The following TFPI variants were observed in gnomAD, a reference collection of about 807,000 sequenced individuals.
TFPI encodes the protein anti-convertin.
A neutral mutation model predicts 34.6 loss-of-function variants in TFPI; 15 were observed. That is an observed-to-expected ratio of 0.43 (90% CI 0.29 to 0.67). The LOEUF (loss-of-function observed/expected upper bound fraction) is 0.67, where lower values mean the gene tolerates loss of function less well. Ranked by LOEUF, TFPI falls within the 30% of genes least tolerant of loss-of-function variation. TFPI has a pLI of 0.15. For missense variants in TFPI, 301 were observed against 364.0 expected (o/e 0.83, Z 1.41); for synonymous variants, 105 against 120.1 (o/e 0.87, Z 0.82).
At chr2:187,496,704 T>G (rs1473112544) in intron 3 of TFPI, among the ~76,000 whole-genome samples, 177 bp downstream of exon 3, 1 of 152,082 alleles carries the variant, frequency 6.6e-6, no homozygotes, top group Non-Finnish European at 1.5e-5. Context: ...CAATTCAGAA[T>G]TATCATTTTC....
chr2:187,524,707 A>T (rs1378607269), intron 1 of TFPI, among the ~76,000 whole-genome samples: 1 of 152,126 alleles, frequency 6.6e-6, no homozygotes, highest in Non-Finnish European at 1.5e-5. Flanking sequence ...AAATATTTTT[A>T]AAATTGTGTC....
intron 1 of TFPI, among the ~76,000 whole-genome samples, chr2:187,548,586 G>C (rs1688980628): frequency 6.6e-6 from 1 of 152,022 alleles, no homozygotes; most frequent in Non-Finnish European, 1.5e-5. Context: ...ACCTATTAGG[G>C]AAGCTAGATG....
intron 1 of TFPI, among the ~76,000 whole-genome samples, chr2:187,540,458 A>G (rs1296904778): frequency 1.3e-5 from 2 of 152,202 alleles, no homozygotes; most frequent in East Asian, 3.9e-4. Flanking sequence ...GGTAAAGTGA[A>G]ATATCAAAAA....
chr2:187,477,514 T>C (rs544950714), intron 6 of TFPI, among the ~76,000 whole-genome samples: 8 of 152,282 alleles, frequency 5.3e-5, no homozygotes, highest in South Asian at 2.1e-4. Flanking sequence ...TGTGATGGCC[T>C]GTGGTATGCA....
intron 6 of TFPI, among the ~76,000 whole-genome samples, chr2:187,480,332 C>T (rs967547671): frequency 6.6e-6 from 1 of 151,958 alleles, no homozygotes; most frequent in Non-Finnish European, 1.5e-5. Flanking sequence ...ATGAGTAACC[C>T]TACACGAACT....
At chr2:187,525,618 A>G (rs1256173457) in intron 1 of TFPI, among the ~76,000 whole-genome samples, 1 of 152,118 alleles carries the variant, frequency 6.6e-6, no homozygotes, top group Non-Finnish European at 1.5e-5. Context: ...ATTCAACTGT[A>G]TTTGAAAACA....
chr2:187,552,822 GA>G (rs1377111302), intron 1 of TFPI, among the ~76,000 whole-genome samples: 5 of 152,022 alleles, frequency 3.3e-5, no homozygotes, highest in African/African-American at 1.2e-4. Context: ...ACTTGAAGTA[GA>G]AAAACTTGGT....
At chr2:187,528,142 C>T (rs1352838091) in intron 1 of TFPI, among the ~76,000 whole-genome samples, 1 of 152,104 alleles carries the variant, frequency 6.6e-6, no homozygotes, top group Non-Finnish European at 1.5e-5. Context: ...AGTACTTCTA[C>T]ATCACTCTAT....
chr2:187,519,648 C>T (rs1229338589), intron 1 of TFPI: 3 of 151,688 alleles, frequency 2.0e-5, no homozygotes, highest in Non-Finnish European at 4.4e-5. Flanking sequence ...AGGAGGCAGT[C>T]TGTCTCTTAC....
At chr2:187,501,843 T>TA (rs375930264) in intron 2 of TFPI, among the ~76,000 whole-genome samples, 13 of 152,282 alleles carry the variant, frequency 8.5e-5, no homozygotes, top group Admixed American at 2.0e-4. Flanking sequence ...TTGCCTTATC[T>TA]AGACGTTAAT....
chr2:187,550,319 T>C (rs1689051845), intron 1 of TFPI, among the ~76,000 whole-genome samples: 2 of 152,124 alleles, frequency 1.3e-5, no homozygotes, highest in Admixed American at 6.6e-5. Flanking sequence ...GTTGCAAAAC[T>C]CTCAGTTCAT....
chr2:187,539,281 ACT>A (rs1483159881), intron 1 of TFPI, among the ~76,000 whole-genome samples: 3 of 152,114 alleles, frequency 2.0e-5, no homozygotes, highest in Non-Finnish European at 4.4e-5. Flanking sequence ...GCCCTTGTAC[ACT>A]CTTTTTTTCT....
chr2:187,484,269 T>C (rs1398306610), intron 5 of TFPI, 53 bp from the exon 6 acceptor site: 11 of 1,511,328 alleles, frequency 7.3e-6, no homozygotes, highest in Non-Finnish European at 9.2e-6. Flanking sequence ...CAATCTCATA[T>C]TTGGACTCAT....
chr2:187,548,135 T>C (rs1253458059), intron 1 of TFPI, among the ~76,000 whole-genome samples: 1 of 152,036 alleles, frequency 6.6e-6, no homozygotes, highest in Non-Finnish European at 1.5e-5. Context: ...AATAAAGATA[T>C]TAAAATTGAA....
Position 187,464,936 on chromosome 2 carries a change from AC to A in TFPI, c.*1999del, listed in dbSNP as rs1382621324. On this transcript the variant is annotated 3_prime_UTR_variant, in exon 8 of 8. Coordinates refer to ENST00000233156, the MANE Select transcript of TFPI (RefSeq NM_006287.6). ...CTGGCATCAGCTGTACCCTGACTTC[AC>A]ATGAATGGCCTGGAGGGGATCATAT... 1 of 152,216 alleles carries A rather than the reference AC, an allele frequency of 6.6e-6. No individual in the cohort carries two copies. Among genetic ancestry groups the A allele is most frequent in the Non-Finnish European group, 1.5e-5 (1 of 68,028 alleles). The allele number at this position is 152,216 out of a possible 1,614,324, so 9.4% of individuals were successfully genotyped here.
In TFPI at chr2:187,502,154, A is replaced by G. The variant is rs572172707; in HGVS notation, c.121+1494T>C. ...AGAGGTCTTTAAGTCTAGCTTAAATATCAAAATTCTTTGTTACCACCTAGG... is the reference window on the plus strand; with the variant it reads ...AGAGGTCTTTAAGTCTAGCTTAAATGTCAAAATTCTTTGTTACCACCTAGG... On this transcript the variant is annotated intron_variant, in intron 2 of 7. Coordinates refer to ENST00000233156, the MANE Select transcript of TFPI (RefSeq NM_006287.6). 5.9e-5 allele frequency among the ~76,000 whole-genome samples: 9 copies of G among 152,344 alleles called. No individual in the cohort carries two copies. In the South Asian group the frequency reaches 1.2e-3, roughly 21 times the overall value.
At chr2:187,529,546 A>C (rs1458261530) in intron 1 of TFPI, 1 of 152,188 alleles carries the variant, frequency 6.6e-6, no homozygotes, top group Non-Finnish European at 1.5e-5. Context: ...TAAGGCCATC[A>C]ATCCTACTGA....
chr2:187,483,672 G>A (rs1693044815), intron 6 of TFPI, among the ~76,000 whole-genome samples: 1 of 151,952 alleles, frequency 6.6e-6, no homozygotes, highest in Non-Finnish European at 1.5e-5. Context: ...ATAACATTTA[G>A]GCATGGTTAT....
At chr2:187,547,834 C>A (rs1278002545) in intron 1 of TFPI, 1 of 152,112 alleles carries the variant, frequency 6.6e-6, no homozygotes, top group East Asian at 1.9e-4. Flanking sequence ...TCTTTCTTAT[C>A]AAAGTCCTAC....
Sources: allele counts gnomAD v4.1 joint callset (sites outside exome capture counted in the v4.1 genomes callset), GRCh38; gene constraint gnomAD v4.1.1; transcripts MANE v1.5; gene names NCBI Gene and HGNC (gene_info 2026-07-23, HGNC 2026-07-21).